DYNC1I2: variants seen among roughly 807,000 people sequenced by gnomAD.
DYNC1I2 encodes the protein dynein cytoplasmic 1 intermediate chain 2, also known as cytoplasmic dynein 1 intermediate chain 2.
Under a neutral mutation model 88.6 loss-of-function variants are expected in DYNC1I2, and 53 were observed. That is an observed-to-expected ratio of 0.60 (90% CI 0.48 to 0.75). DYNC1I2 has a LOEUF of 0.75. DYNC1I2 is among the 30% of genes least tolerant of loss of function. The pLI, the probability that DYNC1I2 is intolerant of heterozygous loss-of-function variation, is 0.00. For synonymous variants in DYNC1I2, 198 were observed against 254.6 expected (o/e 0.78, Z 2.12); for missense variants, 458 against 766.6 (o/e 0.60, Z 4.75).
At chr2:171,693,841 T>C (rs1350098882) in intron 3 of DYNC1I2, among the ~76,000 whole-genome samples, 1 of 152,242 alleles carries the variant, frequency 6.6e-6, no homozygotes, top group Non-Finnish European at 1.5e-5. Flanking sequence ...AATAAGCTTA[T>C]GTTGAACATG....
At chr2:171,739,613 C>T (rs1689256660) in intron 15 of DYNC1I2, among the ~76,000 whole-genome samples, 1 of 150,890 alleles carries the variant, frequency 6.6e-6, no homozygotes, top group South Asian at 2.1e-4. Context: ...AATGGCCTAT[C>T]AGTGTTCAAT....
At position 171,736,347 on chromosome 2, in the gene DYNC1I2, C is replaced by T. The variant is rs1689005822; in HGVS notation, c.1536+6494C>T. The stretch of plus-strand genomic sequence containing the variant: ...GGGAGTGCTAACCGGAACTAACAGG[C>T]TCCTAAGACACTGGTACATTGGAGA... On this transcript the variant is annotated intron_variant, in intron 15 of 17. Transcript: ENST00000397119. 3.9e-5 allele frequency among the ~76,000 whole-genome samples: 6 copies of T among 152,270 alleles called. No homozygotes were observed. In the South Asian group the frequency reaches 1.2e-3, roughly 32 times the overall value.
chr2:171,707,273 A>T lies in DYNC1I2; in HGVS notation c.245-14A>T. ...GTGTAGTAACAGCGGATACCTGTCTATTTCACTATTTAGTCCCTCCTCCTA... is the reference window on the plus strand; with the variant it reads ...GTGTAGTAACAGCGGATACCTGTCTTTTTCACTATTTAGTCCCTCCTCCTA... On this transcript the variant is annotated splice_polypyrimidine_tract_variant and intron_variant, in intron 4 of 17. Transcript: ENST00000397119. The T allele has an allele frequency of 6.2e-7, 1 of 1,613,702 alleles. No individual in the cohort carries two copies. Among genetic ancestry groups the T allele is most frequent in the Non-Finnish European group, 8.5e-7 (1 of 1,179,730 alleles).
Position 171,720,389 on chromosome 2 carries a change from T to C in DYNC1I2, c.511+4946T>C, listed in dbSNP as rs569958003. 1.5e-4 allele frequency among the ~76,000 whole-genome samples: 23 copies of C among 152,322 alleles called. 1 individual carries two copies. Among genetic ancestry groups the C allele is most frequent in the Admixed American group, 9.2e-4 (14 of 15,296 alleles). ...TATCTTGTAATCACTTATTGCATGA[T>C]CTTAACATTTGGAATTCACTCCCAG... is the stretch of plus-strand genomic sequence containing the variant. On this transcript the variant is annotated intron_variant, in intron 7 of 17. Transcript: ENST00000397119.
At chr2:171,738,245 T>C (rs1689151058) in intron 15 of DYNC1I2, among the ~76,000 whole-genome samples, 1 of 151,922 alleles carries the variant, frequency 6.6e-6, no homozygotes, top group African/African-American at 2.4e-5. Context: ...GGCAGGAGAA[T>C]TGCCAGAACC....
intron 4 of DYNC1I2, 180 bp from the exon 5 acceptor site, chr2:171,707,107 A>C: frequency 1.2e-6 from 1 of 858,120 alleles, no homozygotes; most frequent in East Asian, 2.7e-5. Context: ...TGCATTGTTA[A>C]CTTTTTGTCT....
chr2:171,690,253 A>G lies in DYNC1I2; in HGVS notation c.98A>G (p.Lys33Arg). 6.5e-7 allele frequency: 1 copy of G among 1,542,888 alleles called. No homozygotes were observed. Among genetic ancestry groups the G allele is most frequent in the South Asian group, 1.2e-5 (1 of 81,336 alleles). ...EEKKRKEEER[K>R]KKETDQKKEA... ...AAGAAGAGAAAAGAAGAAGAAAGGAAAAAAAAAGAAGTATGTTTGATTTTT... is the reference window on the plus strand; with the variant it reads ...AAGAAGAGAAAAGAAGAAGAAAGGAGAAAAAAAGAAGTATGTTTGATTTTT... The change falls in exon 2 of 18, where the codon AAA becomes AGA. Residue 33 changes from lysine (K) to arginine (R), a missense_variant. Physicochemically the swap from Lys to Arg is conservative, Grantham distance 26. Transcript: ENST00000397119.
intron 15 of DYNC1I2, among the ~76,000 whole-genome samples, chr2:171,742,693 A>C (rs1689528990): frequency 6.6e-6 from 1 of 152,184 alleles, no homozygotes; most frequent in South Asian, 2.1e-4. Flanking sequence ...TCTAGGTTAA[A>C]GCTGTCTCTT....
rs569518066 is a variant in DYNC1I2, at chr2:171,748,092, G to C, written c.*203G>C. 2.3e-3 allele frequency: 1,078 copies of C among 467,350 alleles called. 16 individuals are homozygous for C. In the East Asian group the frequency reaches 0.035, roughly 15 times the overall value. 29.0% of individuals were successfully genotyped at this position (467,350 alleles called of 1,614,324 possible). A position where few individuals can be genotyped will look rare whatever the true frequency, so the allele number is the denominator to read the frequency against. On this transcript the variant is annotated 3_prime_UTR_variant, in exon 18 of 18. Transcript: ENST00000397119. ...TGGATTTGTGTCATTTTTTAATATA[G>C]CTGATTGACTTCACAGAAAGCAGCT... is the stretch of plus-strand genomic sequence containing the variant.
intron 5 of DYNC1I2, among the ~76,000 whole-genome samples, chr2:171,711,103 G>A (rs986871794): frequency 1.5e-4 from 22 of 150,652 alleles, no homozygotes; most frequent in African/African-American, 5.1e-4. Context: ...CCACCTGTGA[G>A]TGAGAACATG....
intron 3 of DYNC1I2, among the ~76,000 whole-genome samples, chr2:171,703,443 G>A (rs1188216879): frequency 6.6e-6 from 1 of 152,094 alleles, no homozygotes; most frequent in Non-Finnish European, 1.5e-5. Context: ...GGCCAGGCTT[G>A]TCTCAAATTT....
intron 3 of DYNC1I2, among the ~76,000 whole-genome samples, chr2:171,694,194 C>T (rs1685588477): frequency 1.3e-5 from 2 of 151,930 alleles, no homozygotes; most frequent in African/African-American, 2.4e-5. Context: ...TGTGCCACCA[C>T]GCCAGCTAAT....
At chr2:171,693,815 T>G (rs955540585) in intron 3 of DYNC1I2, among the ~76,000 whole-genome samples, 1 of 152,250 alleles carries the variant, frequency 6.6e-6, no homozygotes, top group Non-Finnish European at 1.5e-5. Context: ...AGTATATTAA[T>G]TTTATGTATT....
At chr2:171,699,703 G>A (rs932493014) in intron 3 of DYNC1I2, among the ~76,000 whole-genome samples, 1 of 151,618 alleles carries the variant, frequency 6.6e-6, no homozygotes, top group African/African-American at 2.4e-5. Context: ...GCAGTGGTGT[G>A]ATCTCAGCTC....
intron 16 of DYNC1I2, among the ~76,000 whole-genome samples, chr2:171,745,341 T>C (rs1459103715): frequency 6.6e-6 from 1 of 152,166 alleles, no homozygotes; most frequent in Non-Finnish European, 1.5e-5. Flanking sequence ...GAACCGTTTC[T>C]AGGAACACTG....
At chr2:171,735,186 C>T (rs187099380) in intron 15 of DYNC1I2, among the ~76,000 whole-genome samples, 269 of 152,322 alleles carry the variant, frequency 1.8e-3, no homozygotes, top group African/African-American at 6.3e-3. Flanking sequence ...CCCTGGGAAT[C>T]TCAATTTGGC....
chr2:171,701,016 G>A (rs1686214837), intron 3 of DYNC1I2, among the ~76,000 whole-genome samples: 1 of 152,166 alleles, frequency 6.6e-6, no homozygotes, highest in African/African-American at 2.4e-5. Context: ...TAAAAAATAT[G>A]TCTTGATAAA....
chr2:171,725,855 T>C, intron 8 of DYNC1I2, 64 bp from the exon 9 acceptor site: 3 of 1,424,054 alleles, frequency 2.1e-6, no homozygotes, highest in Non-Finnish European at 2.9e-6. Context: ...ATCCATACTG[T>C]GATAGTGAGT....
At chr2:171,706,165 A>G (rs1438212876) in intron 3 of DYNC1I2, among the ~76,000 whole-genome samples, 3 of 152,136 alleles carry the variant, frequency 2.0e-5, no homozygotes, top group African/African-American at 7.2e-5. Flanking sequence ...TTTAGTTCCT[A>G]TATAACTAGG....
Sources: gnomAD v4.1 joint callset for allele counts (sites outside exome capture counted in the v4.1 genomes callset) on GRCh38, gnomAD v4.1.1 for gene constraint, MANE v1.5 for transcripts, NCBI Gene and HGNC (gene_info 2026-07-23, HGNC 2026-07-21) for gene names.